Variants in PARD3B observed in about 807,000 individuals in gnomAD.
The protein encoded by PARD3B is par-3 family cell polarity regulator beta.
A neutral mutation model predicts 130.2 loss-of-function variants in PARD3B; 103 were observed. The ratio of observed to expected loss-of-function variants is 0.79; its 90% CI spans 0.67 to 0.93. The LOEUF (loss-of-function observed/expected upper bound fraction) is 0.93, where lower values mean the gene tolerates loss of function less well. Ranked by LOEUF, PARD3B falls within the 40% of genes least tolerant of loss-of-function variation. The pLI, the probability that PARD3B is intolerant of heterozygous loss-of-function variation, is 0.00. For missense variants in PARD3B, 1,609 were observed against 1,499.2 expected, an observed-to-expected ratio of 1.07 and a Z score of -1.21; for synonymous variants, 583 against 553.2, an observed-to-expected ratio of 1.05 and a Z score of -0.76.
chr2:204,779,426 G>C (rs2041759425), intron 2 of PARD3B, among the ~76,000 whole-genome samples: 1 of 152,116 alleles, frequency 6.6e-6, no homozygotes, highest in African/African-American at 2.4e-5. Flanking sequence ...TTAGTGAGCT[G>C]TCTACTCACT....
intron 3 of PARD3B, among the ~76,000 whole-genome samples, chr2:205,030,856 AG>A (rs942102525): frequency 1.3e-5 from 2 of 152,102 alleles, no homozygotes; most frequent in African/African-American, 2.4e-5. Context: ...TCCTGTCCAG[AG>A]GGGGGTCTGT....
intron 12 of PARD3B, among the ~76,000 whole-genome samples, chr2:205,173,794 A>C (rs2035309784): frequency 6.6e-6 from 1 of 152,208 alleles, no homozygotes; most frequent in Non-Finnish European, 1.5e-5. Flanking sequence ...TAACACCCTT[A>C]TCTGCCACTT....
intron 3 of PARD3B, among the ~76,000 whole-genome samples, chr2:205,017,732 G>A (rs1296986323): frequency 2.0e-5 from 3 of 152,138 alleles, no homozygotes; most frequent in African/African-American, 7.2e-5. Flanking sequence ...TTGATAGCCT[G>A]AATGAAATGG....
chr2:205,297,109 A>G (rs755368472), intron 16 of PARD3B, among the ~76,000 whole-genome samples: 2 of 152,172 alleles, frequency 1.3e-5, no homozygotes, highest in Non-Finnish European at 2.9e-5. Flanking sequence ...GAACATGGAC[A>G]TAGAAGCCAC....
intron 18 of PARD3B, among the ~76,000 whole-genome samples, chr2:205,306,977 A>G (rs987426838): frequency 1.1e-4 from 17 of 152,130 alleles, no homozygotes; most frequent in African/African-American, 4.1e-4. Context: ...TTTTTCCGTT[A>G]TCTGCGTTTC....
At chr2:205,520,796 GACATTAA>G (rs2051013014) in intron 21 of PARD3B, among the ~76,000 whole-genome samples, 1 of 151,844 alleles carries the variant, frequency 6.6e-6, no homozygotes, top group African/African-American at 2.4e-5. Flanking sequence ...AATTTCTCAT[GACATTAA>G]ACAATCTTCA....
At chr2:204,604,228 C>G (rs989369892) in intron 1 of PARD3B, among the ~76,000 whole-genome samples, 30 of 152,188 alleles carry the variant, frequency 2.0e-4, no homozygotes, top group African/African-American at 7.2e-4. Flanking sequence ...TGCTTTTCCT[C>G]ACCACTGAGA....
At chr2:205,326,262 C>T (rs2042935733) in intron 18 of PARD3B, among the ~76,000 whole-genome samples, 1 of 152,158 alleles carries the variant, frequency 6.6e-6, no homozygotes, top group Non-Finnish European at 1.5e-5. Context: ...GCAGTGACAC[C>T]AAGTCTTAAT....
chr2:205,065,416 T>C (rs1237248598), intron 4 of PARD3B, among the ~76,000 whole-genome samples: 1 of 152,228 alleles, frequency 6.6e-6, no homozygotes, highest in African/African-American at 2.4e-5. Flanking sequence ...TAATTTCACA[T>C]GGCCATAAAG....
chr2:205,012,114 T>C (rs560310521), intron 3 of PARD3B, among the ~76,000 whole-genome samples: 2 of 152,292 alleles, frequency 1.3e-5, no homozygotes, highest in East Asian at 3.9e-4. Flanking sequence ...GGATGTCAGG[T>C]CTCAGCTGTC....
intron 10 of PARD3B, among the ~76,000 whole-genome samples, chr2:205,134,337 A>G (rs1167272316): frequency 6.8e-6 from 1 of 146,652 alleles, no homozygotes; most frequent in Non-Finnish European, 1.5e-5. Flanking sequence ...AGGCTGGACA[A>G]CATGGTGAAA....
intron 2 of PARD3B, among the ~76,000 whole-genome samples, chr2:204,928,425 A>AC (rs1202308767): frequency 3.3e-5 from 5 of 152,186 alleles, no homozygotes; most frequent in Non-Finnish European, 7.4e-5. Flanking sequence ...TCAAAATTCC[A>AC]TTGCAAAGGG....
At chr2:205,534,206 A>C (rs968890398) in intron 21 of PARD3B, among the ~76,000 whole-genome samples, 7 of 152,218 alleles carry the variant, frequency 4.6e-5, no homozygotes, top group African/African-American at 1.4e-4. Context: ...CCCTGTTCTC[A>C]TAGAGTTTAT....
At chr2:204,576,451 G>GT (rs1334118772) in intron 1 of PARD3B, among the ~76,000 whole-genome samples, 15 of 152,002 alleles carry the variant, frequency 9.9e-5, no homozygotes, top group Non-Finnish European at 1.6e-4. Flanking sequence ...TTGCGGCAAA[G>GT]TTTTTTTTCC....
chr2:204,713,060 C>T (rs1026192199), intron 2 of PARD3B, among the ~76,000 whole-genome samples: 2 of 152,026 alleles, frequency 1.3e-5, no homozygotes, highest in Admixed American at 1.3e-4. Flanking sequence ...TCTAATGTGA[C>T]TGTATTTGAA....
At position 205,550,955 on chromosome 2, in the gene PARD3B, G is replaced by GTGTATATA. The variant is rs796567936; in HGVS notation, c.3181-2368_3181-2367insGTATATAT. Among the ~76,000 whole-genome samples the GTGTATATA allele has an allele frequency of 2.0e-4, 19 of 94,462 alleles. 1 individual carries two copies. In the East Asian group the frequency reaches 5.3e-3, roughly 26 times the overall value. 62.0% of individuals were successfully genotyped at this position (94,462 alleles called of 152,430 possible). ...TGTGTGTGTGTGTATATATATATGT[G>GTGTATATA]TATATATATATATATATATATACAC... On this transcript the variant is annotated intron_variant, in intron 21 of 22. Transcript: ENST00000406610. The surrounding 1 kb of genome is among the most constrained non-coding windows in gnomAD (Gnocchi z 4.5).
At chr2:205,283,644 A>G (rs957678773) in intron 16 of PARD3B, among the ~76,000 whole-genome samples, 1 of 152,202 alleles carries the variant, frequency 6.6e-6, no homozygotes, top group Non-Finnish European at 1.5e-5. Context: ...TGGTCTGATC[A>G]GTATTCTATA....
intron 21 of PARD3B, among the ~76,000 whole-genome samples, chr2:205,511,865 C>T (rs1293914793): frequency 6.6e-6 from 1 of 152,202 alleles, no homozygotes; most frequent in African/African-American, 2.4e-5. Flanking sequence ...AGCTTCCTGA[C>T]TATAACCAAC....
chr2:205,184,252 A>C (rs752686644), intron 13 of PARD3B, among the ~76,000 whole-genome samples: 1 of 152,182 alleles, frequency 6.6e-6, no homozygotes, highest in Non-Finnish European at 1.5e-5. Context: ...GCACGTGGAC[A>C]AGCCAAAGCA....
Sources: gnomAD v4.1 joint callset for allele counts (sites outside exome capture counted in the v4.1 genomes callset) on GRCh38, gnomAD v4.1.1 for gene constraint, Gnocchi (gnomAD v3.1) non-coding constraint, MANE v1.5 for transcripts, NCBI Gene and HGNC (gene_info 2026-07-23, HGNC 2026-07-21) for gene names.